Variants in SYNPR observed in about 807,000 individuals in gnomAD.
SYNPR encodes the protein synaptoporin.
Under a neutral mutation model 32.9 loss-of-function variants are expected in SYNPR, and 23 were observed. That is an observed-to-expected ratio of 0.70 (90% CI 0.50 to 0.99). SYNPR has a LOEUF of 0.99. Among genes scored for constraint, SYNPR ranks in the 50% least tolerant of loss-of-function variants. SYNPR has a pLI of 0.00. For missense variants in SYNPR, 318 were observed against 349.3 expected, an observed-to-expected ratio of 0.91 and a Z score of 0.71; for synonymous variants, 146 against 135.9, an observed-to-expected ratio of 1.07 and a Z score of -0.52.
intron 2 of SYNPR, among the ~76,000 whole-genome samples, chr3:63,263,597 G>C (rs1320992494): frequency 6.6e-6 from 1 of 152,166 alleles, no homozygotes; most frequent in Non-Finnish European, 1.5e-5. Context: ...CTTTACCAAG[G>C]ATAGAGGATC....
intron 3 of SYNPR, among the ~76,000 whole-genome samples, chr3:63,485,248 AC>A (rs1466088232): frequency 6.6e-6 from 1 of 152,156 alleles, no homozygotes; most frequent in East Asian, 1.9e-4. Context: ...ACTGAAAGAC[AC>A]CAAAAGGAGA....
intron 2 of SYNPR, among the ~76,000 whole-genome samples, chr3:63,474,180 T>G (rs115950692): frequency 0.018 from 2,719 of 152,212 alleles, 76 homozygotes; most frequent in African/African-American, 0.061. Context: ...GGCAAGAACA[T>G]TGGAGATTTT....
chr3:63,427,051 G>T (rs1699905281), intron 2 of SYNPR, among the ~76,000 whole-genome samples: 1 of 151,872 alleles, frequency 6.6e-6, no homozygotes, highest in South Asian at 2.1e-4. Context: ...CATGACAGAA[G>T]AGTGTCCTCC....
rs376913135 is a variant in SYNPR, at chr3:63,380,080, T to G, written c.85-100752T>G. Among the ~76,000 whole-genome samples, 97 of 152,324 alleles carry G rather than the reference T, an allele frequency of 6.4e-4. No individual in the cohort carries two copies. In the East Asian group the frequency reaches 0.014, roughly 23 times the overall value. On this transcript the variant is annotated intron_variant, in intron 2 of 5. Transcript: ENST00000478300. ...TATGTGCCACATTTTCTTAATCCAG[T>G]CTATCATTGATGGACATTTGGGTTG...
At chr3:63,310,726 A>T (rs2086955606) in intron 2 of SYNPR, among the ~76,000 whole-genome samples, 1 of 151,986 alleles carries the variant, frequency 6.6e-6, no homozygotes, top group Non-Finnish European at 1.5e-5. Context: ...CTGTGGGGGC[A>T]CTAGCTGGCT....
intron 1 of SYNPR, among the ~76,000 whole-genome samples, chr3:63,240,256 T>C (rs1457635163): frequency 6.6e-6 from 1 of 152,184 alleles, no homozygotes; most frequent in African/African-American, 2.4e-5. Flanking sequence ...TCAATCTGCT[T>C]TAACTTGTAA....
At chr3:63,592,684 T>C (rs1699859895) in intron 4 of SYNPR, among the ~76,000 whole-genome samples, 1 of 152,050 alleles carries the variant, frequency 6.6e-6, no homozygotes, top group African/African-American at 2.4e-5. Context: ...GTTAAATAAA[T>C]ACGACACAAA....
chr3:63,368,153 G>C (rs1432153327), intron 2 of SYNPR, among the ~76,000 whole-genome samples: 3 of 152,196 alleles, frequency 2.0e-5, no homozygotes, highest in Non-Finnish European at 4.4e-5. Context: ...GAGCATCAAA[G>C]AGAGAGGTGT....
chr3:63,398,149 T>C (rs775792078), intron 2 of SYNPR, among the ~76,000 whole-genome samples: 1 of 152,218 alleles, frequency 6.6e-6, no homozygotes, highest in Admixed American at 6.5e-5. Flanking sequence ...TGATTGTCCT[T>C]CTTTGTCTTC....
At chr3:63,454,491 A>G (rs898361827) in intron 2 of SYNPR, among the ~76,000 whole-genome samples, 1 of 152,168 alleles carries the variant, frequency 6.6e-6, no homozygotes, top group Non-Finnish European at 1.5e-5. Context: ...ATTTTATGTG[A>G]TACTAACAAT....
intron 2 of SYNPR, among the ~76,000 whole-genome samples, chr3:63,346,292 C>T (rs2107010390): frequency 6.6e-6 from 1 of 152,196 alleles, no homozygotes; most frequent in East Asian, 1.9e-4. Context: ...CAATCATATA[C>T]TATTATGACA....
At chr3:63,359,233 C>T (rs1281135856) in intron 2 of SYNPR, among the ~76,000 whole-genome samples, 3 of 152,040 alleles carry the variant, frequency 2.0e-5, no homozygotes, top group Non-Finnish European at 4.4e-5. Flanking sequence ...TTCACAGGAC[C>T]ATGTTTTTGA....
intron 3 of SYNPR, among the ~76,000 whole-genome samples, chr3:63,485,841 C>T (rs986396337): frequency 4.6e-5 from 7 of 152,064 alleles, no homozygotes; most frequent in African/African-American, 1.7e-4. Context: ...ATATAGGGAA[C>T]AACAGAAGAT....
intron 3 of SYNPR, among the ~76,000 whole-genome samples, chr3:63,511,878 A>G (rs983519150): frequency 2.0e-5 from 3 of 152,136 alleles, no homozygotes; most frequent in African/African-American, 7.2e-5. Flanking sequence ...TCTTCATTTT[A>G]AAGATTATAA....
chr3:63,278,381 G>A lies in SYNPR; in HGVS notation c.-153G>A. ...CGCAGAGCCCAGCGTTAGCGGGTGG[G>A]CTCCCCGAGGCCCCCTGCCCTCGCC... is the stretch of plus-strand genomic sequence containing the variant. On this transcript the variant is annotated 5_prime_UTR_variant, in exon 1 of 6. Transcript: ENST00000478300. The A allele has an allele frequency of 2.1e-6, 2 of 968,632 alleles. No homozygotes were observed. Among genetic ancestry groups the A allele is most frequent in the South Asian group, 1.9e-5 (1 of 51,754 alleles). The allele number at this position is 968,632 out of a possible 1,614,324, so 60.0% of individuals were successfully genotyped here. A position where few individuals can be genotyped will look rare whatever the true frequency, so the allele number is the denominator to read the frequency against.
At chr3:63,202,251 T>C in the SYNPR span, among the ~76,000 whole-genome samples, 2 of 152,304 alleles carry the variant, frequency 1.3e-5, no homozygotes, top group Non-Finnish European at 2.9e-5. Context: ...TTCTCTGTAT[T>C]GGTGATAATG....
At chr3:63,576,650 G>T (rs1702984374) in intron 4 of SYNPR, among the ~76,000 whole-genome samples, 1 of 151,830 alleles carries the variant, frequency 6.6e-6, no homozygotes, top group South Asian at 2.1e-4. Flanking sequence ...AATTAGCTGG[G>T]CATGGTAGCA....
intron 2 of SYNPR, among the ~76,000 whole-genome samples, chr3:63,408,469 C>G (rs1269722205): frequency 6.6e-6 from 1 of 152,076 alleles, no homozygotes; most frequent in Admixed American, 6.6e-5. Context: ...AGCTGGAGAA[C>G]CAGGGAAGCT....
intron 3 of SYNPR, among the ~76,000 whole-genome samples, chr3:63,552,464 C>G (rs1029259430): frequency 5.3e-5 from 8 of 152,086 alleles, no homozygotes; most frequent in Admixed American, 1.3e-4. Context: ...TTTGTTGGAG[C>G]TGTACACATT....
Sources: gnomAD v4.1 joint callset for allele counts (sites outside exome capture counted in the v4.1 genomes callset) on GRCh38, gnomAD v4.1.1 for gene constraint, MANE v1.5 for transcripts, NCBI Gene and HGNC (gene_info 2026-07-23, HGNC 2026-07-21) for gene names.